LMBR1: variants seen among roughly 807,000 people sequenced by gnomAD.
LMBR1 encodes limb development membrane protein 1.
In LMBR1, 52 loss-of-function variants were observed where a neutral mutation model predicts 73.9. The observed-to-expected ratio is 0.70, with a 90% confidence interval of 0.56 to 0.89. The LOEUF (loss-of-function observed/expected upper bound fraction) is 0.89. Ranked by LOEUF, LMBR1 falls within the 40% of genes least tolerant of loss-of-function variation. The pLI is 0.00. For missense variants in LMBR1, 539 were observed against 579.8 expected (o/e 0.93, Z 0.72); for synonymous variants, 215 against 209.4 (o/e 1.03, Z -0.23).
In LMBR1 at chr7:156,892,945, G is replaced by C. The variant is rs768746253; in HGVS notation, c.49C>G (p.Gln17Glu). Residue 17 changes from glutamine (Q) to glutamate (E), a missense_variant, in exon 1 of 17, where the codon CAA (glutamine) becomes GAA (glutamate). Physicochemically the swap from Gln to Glu is conservative, Grantham distance 29 (BLOSUM62 2). Coordinates refer to ENST00000353442, the MANE Select transcript of LMBR1 (RefSeq NM_022458.4). ...CCACGCACCGTGGACTCCCGCACTT[G>C]GCTGTGGAAGTGCTGCTCCCGCGCC... ...VSAREQHFHS[Q>E]VRESTICFLL... 1.3e-6 allele frequency: 2 copies of C among 1,541,648 alleles called. No individual in the cohort carries two copies. Among genetic ancestry groups the C allele is most frequent in the South Asian group, 1.2e-5 (1 of 84,384 alleles).
intron 15 of LMBR1, among the ~76,000 whole-genome samples, chr7:156,711,658 G>T (rs1202888089): frequency 6.6e-6 from 1 of 152,090 alleles, no homozygotes; most frequent in Non-Finnish European, 1.5e-5. Context: ...AACAGACACA[G>T]ATCAATGGAA....
chr7:156,779,856 G>T, intron 5 of LMBR1: 1 of 339,162 alleles, frequency 2.9e-6, no homozygotes. Flanking sequence ...TTAACAAAAA[G>T]GGTCTCTCAG....
At chr7:156,713,665 G>A (rs1812578604) in intron 15 of LMBR1, among the ~76,000 whole-genome samples, 1 of 152,112 alleles carries the variant, frequency 6.6e-6, no homozygotes, top group South Asian at 2.1e-4. Flanking sequence ...TGGGGGTGAT[G>A]AATATGTTCA....
At chr7:156,706,970 T>C (rs966539771) in intron 15 of LMBR1, among the ~76,000 whole-genome samples, 2 of 145,692 alleles carry the variant, frequency 1.4e-5, no homozygotes, top group African/African-American at 5.0e-5. Flanking sequence ...AGAAAATAAA[T>C]AAAACTGATA....
At chr7:156,762,859 G>T (rs1823353313) in intron 7 of LMBR1, among the ~76,000 whole-genome samples, 1 of 151,980 alleles carries the variant, frequency 6.6e-6, no homozygotes, top group Non-Finnish European at 1.5e-5. Flanking sequence ...GTGTGTGTGT[G>T]TGTGTGTGTG....
At chr7:156,817,328 T>G (rs76814360) in intron 4 of LMBR1, among the ~76,000 whole-genome samples, 4,844 of 152,302 alleles carry the variant, frequency 0.032, 124 homozygotes, top group South Asian at 0.084. Context: ...GTTCAATATT[T>G]CAGTAGAATT....
chr7:156,841,506 G>C (rs1838697098), intron 1 of LMBR1, among the ~76,000 whole-genome samples: 1 of 152,098 alleles, frequency 6.6e-6, no homozygotes, highest in South Asian at 2.1e-4. Context: ...AAATCAGCTT[G>C]GCAGAAGGAT....
chr7:156,696,564 A>G (rs1808327668), intron 15 of LMBR1, among the ~76,000 whole-genome samples: 5 of 152,176 alleles, frequency 3.3e-5, no homozygotes, highest in Admixed American at 3.3e-4. Context: ...GGCGAAAGGC[A>G]CTTCTCACAT....
rs1267140334 is a variant in LMBR1, at chr7:156,826,592, A to T, written c.319+13T>A. The T allele has an allele frequency of 6.9e-7, 1 of 1,455,952 alleles. No homozygotes were observed. The highest frequency in any genetic ancestry group is 1.4e-5 in the African/African-American group (1 of 70,388). 90.2% of individuals were successfully genotyped at this position (1,455,952 alleles called of 1,614,324 possible). A position where few individuals can be genotyped will look rare whatever the true frequency, so the allele number is the denominator to read the frequency against. ...AATATTAATTGTGATTATATTAAGC[A>T]ATATATACTAACCATGAATCAGGGA... On this transcript the variant is annotated intron_variant, in intron 4 of 16. Transcript: ENST00000353442.
At chr7:156,762,251 A>G (rs1823199169) in intron 7 of LMBR1, 53 bp from the exon 8 acceptor site, 1 of 1,128,632 alleles carries the variant, frequency 8.9e-7, no homozygotes, top group South Asian at 1.3e-5. Flanking sequence ...GAGCTTGGAG[A>G]AAGAGATAAA....
intron 15 of LMBR1, among the ~76,000 whole-genome samples, chr7:156,690,341 C>A (rs911595327): frequency 1.3e-5 from 2 of 152,170 alleles, no homozygotes; most frequent in African/African-American, 4.8e-5. Context: ...CAACGACTTA[C>A]TTTATGAATG....
rs1815618905 is a variant in LMBR1 at position 156,725,796 on chromosome 7, A to G, written c.1035T>C (p.Phe345=). Reference sequence around the variant, plus strand: ...AAATGATTTCAAGCGCAGCTCCCACAAAACCAAACGTAGAAAGAGAGGCAT... The same window carrying G: ...AAATGATTTCAAGCGCAGCTCCCACGAAACCAAACGTAGAAAGAGAGGCAT... ...IGNASLSTFG[F]VGAALEIILI... The change falls in exon 13 of 17, where the codon TTT becomes TTC. Residue 345 remains phenylalanine (F), a synonymous_variant. Transcript: ENST00000353442. 3 of 1,613,652 alleles carry G rather than the reference A, an allele frequency of 1.9e-6. No homozygotes were observed. The African/African-American group carries it at 4.0e-5, about 22-fold the overall frequency.
intron 5 of LMBR1, among the ~76,000 whole-genome samples, chr7:156,794,333 T>A (rs1033940118): frequency 1.3e-5 from 2 of 152,246 alleles, no homozygotes; most frequent in South Asian, 2.1e-4. Flanking sequence ...TACAATCGTA[T>A]GTGTGAAATA....
At chr7:156,757,568 A>T (rs1004950902) in intron 8 of LMBR1, among the ~76,000 whole-genome samples, 4 of 152,218 alleles carry the variant, frequency 2.6e-5, no homozygotes, top group African/African-American at 7.2e-5. Context: ...GATCCTTATT[A>T]TCTTCGTAGC....
At chr7:156,825,436 T>C (rs772703109) in intron 4 of LMBR1, among the ~76,000 whole-genome samples, 7 of 152,102 alleles carry the variant, frequency 4.6e-5, no homozygotes, top group Non-Finnish European at 8.8e-5. Flanking sequence ...TAAAACATAA[T>C]TACAAAATCT....
intron 4 of LMBR1, among the ~76,000 whole-genome samples, chr7:156,805,760 T>G (rs1187863604): frequency 2.0e-5 from 3 of 152,210 alleles, no homozygotes; most frequent in Non-Finnish European, 4.4e-5. Flanking sequence ...TGAATGCTTC[T>G]GTCCCCACCC....
At chr7:156,771,208 A>C (rs1209065975) in intron 5 of LMBR1, among the ~76,000 whole-genome samples, 1 of 152,188 alleles carries the variant, frequency 6.6e-6, no homozygotes, top group Non-Finnish European at 1.5e-5. Flanking sequence ...AGCTACCAGA[A>C]GACAAGAAAT....
intron 1 of LMBR1, among the ~76,000 whole-genome samples, chr7:156,857,597 A>G (rs1797149877): frequency 6.6e-6 from 1 of 152,252 alleles, no homozygotes; most frequent in Admixed American, 6.5e-5. Flanking sequence ...GGCATCATCT[A>G]TCAACTGGAT....
chr7:156,676,665 C>A, downstream of LMBR1: 1 of 1,603,784 alleles, frequency 6.2e-7, no homozygotes, highest in South Asian at 1.1e-5. Context: ...AATTCATAGT[C>A]AAGGAAAGTT....
Sources: gnomAD v4.1 joint callset for allele counts (sites outside exome capture counted in the v4.1 genomes callset) on GRCh38, gnomAD v4.1.1 for gene constraint, MANE v1.5 for transcripts, NCBI Gene and HGNC (gene_info 2026-07-23, HGNC 2026-07-21) for gene names.